Variants in MFRP observed in about 807,000 individuals in gnomAD.
MFRP encodes membrane frizzled-related protein, also known as C1q and TNF related 5.
In MFRP, 74 loss-of-function variants were observed where a neutral mutation model predicts 65.8. That is an observed-to-expected ratio of 1.12 (90% CI 0.93 to 1.36). The LOEUF is 1.36. MFRP is among the 40% of genes most tolerant of loss of function. MFRP has a pLI of 0.00. For missense variants in MFRP, 838 were observed against 736.0 expected (o/e 1.14, Z -1.60); for synonymous variants, 336 against 288.3 (o/e 1.17, Z -1.68).
In MFRP at chr11:119,344,206, C is replaced by T. The variant is rs1176348216; in HGVS notation, c.975+109G>A. 4.3e-6 allele frequency: 5 copies of T among 1,152,880 alleles called. No homozygotes were observed. The Admixed American group carries it at 6.9e-5, about 16-fold the overall frequency. 71.4% of individuals were successfully genotyped at this position (1,152,880 alleles called of 1,614,324 possible). On this transcript the variant is annotated intron_variant, in intron 8 of 14. Coordinates refer to ENST00000619721, the MANE Select transcript of MFRP (RefSeq NM_031433.4). ...CATCCCCCGTCTGCTTGATCTCTGACCTTCCCAAGTAGAAGGTAGTGTCTA... is the reference window on the plus strand; with the variant it reads ...CATCCCCCGTCTGCTTGATCTCTGATCTTCCCAAGTAGAAGGTAGTGTCTA...
At position 119,344,954 on chromosome 11, in the gene MFRP, A is replaced by G; in HGVS notation, c.692T>C (p.Leu231Pro). 2 of 1,610,018 alleles carry G rather than the reference A, an allele frequency of 1.2e-6. No homozygotes were observed. The highest frequency in any genetic ancestry group is 1.7e-6 in the Non-Finnish European group (2 of 1,178,700). Residue 231 changes from leucine to proline, a missense_variant, in exon 6 of 15, where the codon CTC becomes CCC. Coordinates refer to ENST00000619721, the MANE Select transcript of MFRP (RefSeq NM_031433.4). Reference protein sequence around the residue: ...PPTLNTNASHLLVVFVSDSSV... With the variant: ...PPTLNTNASHPLVVFVSDSSV... ...GCTGTCAGAGACGAAGACCACCAGG[A>G]GGTGGCTGGCATTGGTGTTGAGCGT...
At chr11:119,341,824 C>T (rs1270196905) in intron 12 of MFRP, 33 bp downstream of exon 12, 4 of 1,611,468 alleles carry the variant, frequency 2.5e-6, no homozygotes, top group Non-Finnish European at 3.4e-6. Context: ...CCTCCCCTCC[C>T]AGGCCCGCCC....
Position 119,344,370 on chromosome 11 carries a change from C to T in MFRP, c.920G>A (p.Gly307Asp). Reference protein sequence around the residue: ...KFSGCGGNLTGLQGTFSTPSY... With the variant: ...KFSGCGGNLTDLQGTFSTPSY... The stretch of plus-strand genomic sequence containing the variant: ...GGGAGTAGAGAAAGTGCCCTGGAGG[C>T]CAGTCAGATTCCCCCCACACCCTGT... Residue 307 changes from glycine to aspartate, a missense_variant, in exon 8 of 15, where the codon GGC (glycine) becomes GAC (aspartate). Gly to Asp is a moderately conservative substitution (Grantham distance 94, BLOSUM62 -1). Coordinates refer to ENST00000619721, the MANE Select transcript of MFRP (RefSeq NM_031433.4). 6.2e-7 allele frequency: 1 copy of T among 1,613,860 alleles called. No homozygotes were observed. The highest frequency in any genetic ancestry group is 1.7e-5 in the Admixed American group (1 of 59,996).
At chr11:119,342,798 C>T (rs891121482) in intron 10 of MFRP, 71 bp from the exon 11 acceptor site, 1 of 1,613,140 alleles carries the variant, frequency 6.2e-7, no homozygotes. Context: ...AGTGTCCTGA[C>T]CAGGGTCCAG....
At position 119,345,419 on chromosome 11, in the gene MFRP, C is replaced by T. The variant is rs1226217440; in HGVS notation, c.641+1G>A. The T allele has an allele frequency of 1.9e-6, 3 of 1,613,720 alleles. No homozygotes were observed. Among genetic ancestry groups the T allele is most frequent in the Non-Finnish European group, 2.5e-6 (3 of 1,179,968 alleles). On this transcript the variant is annotated splice_donor_variant, in intron 5 of 14. Coordinates refer to ENST00000619721, the MANE Select transcript of MFRP (RefSeq NM_031433.4). LOFTEE classifies it high-confidence loss of function. The stretch of plus-strand genomic sequence containing the variant: ...GATGTCCTGGGGACAGAGGGACCTA[C>T]CTGAGGAGGGGGCCTTCAGGCTCAG...
In MFRP at chr11:119,339,310, G is replaced by A; in HGVS notation, c.*1649C>T. On this transcript the variant is annotated 3_prime_UTR_variant, in exon 15 of 15. Transcript: ENST00000619721. The surrounding 1 kb of genome is among the most constrained non-coding windows in gnomAD (Gnocchi z 5.4). ...ACCCTCCTTCTAGGAGTGAGAGCATGAGCTCACTTTGCAGTGGGCACTAAG... is the reference window on the plus strand; with the variant it reads ...ACCCTCCTTCTAGGAGTGAGAGCATAAGCTCACTTTGCAGTGGGCACTAAG... The A allele has an allele frequency of 1.2e-6, 2 of 1,609,318 alleles. No individual in the cohort carries two copies. Among genetic ancestry groups the A allele is most frequent in the South Asian group, 1.1e-5 (1 of 90,508 alleles).
chr11:119,345,105 C>A, intron 5 of MFRP, 101 bp from the exon 6 acceptor site: 1 of 1,473,532 alleles, frequency 6.8e-7, no homozygotes, highest in Non-Finnish European at 9.2e-7. Context: ...AACCCCCAAA[C>A]TGGTGACCAT....
Position 119,340,254 on chromosome 11 carries a change from G to T in MFRP, c.*1040C>A. On this transcript the variant is annotated 3_prime_UTR_variant, in exon 14 of 15. Coordinates refer to ENST00000619721, the MANE Select transcript of MFRP (RefSeq NM_031433.4). ...CGTCGCGGCCGTCGCGGCCATCGCGGCCCGGCAAGCCCTGGCTGCCATGGT... is the reference window on the plus strand; with the variant it reads ...CGTCGCGGCCGTCGCGGCCATCGCGTCCCGGCAAGCCCTGGCTGCCATGGT... 1 of 1,515,792 alleles carries T rather than the reference G, an allele frequency of 6.6e-7. No individual in the cohort carries two copies. 93.9% of individuals were successfully genotyped at this position (1,515,792 alleles called of 1,614,324 possible).
At position 119,341,211 on chromosome 11, in the gene MFRP, T is replaced by G; in HGVS notation, c.*337A>C. On this transcript the variant is annotated 3_prime_UTR_variant, in exon 13 of 15. Coordinates refer to ENST00000619721, the MANE Select transcript of MFRP (RefSeq NM_031433.4). The stretch of plus-strand genomic sequence containing the variant: ...GCCACATGAATAGATGCTCAGTACA[T>G]TTTTGTTGAATCAAGGAAAAGGTCA... 2.7e-6 allele frequency: 1 copy of G among 369,378 alleles called. No individual in the cohort carries two copies. The highest frequency in any genetic ancestry group is 2.0e-5 in the African/African-American group (1 of 48,818). The allele number at this position is 369,378 out of a possible 1,614,324, so 22.9% of individuals were successfully genotyped here.
chr11:119,342,420 C>T (rs550668670), intron 11 of MFRP, among the ~76,000 whole-genome samples, 176 bp downstream of exon 11: 4 of 152,298 alleles, frequency 2.6e-5, no homozygotes. Context: ...GTACTATTGC[C>T]ACCACCAGCC....
chr11:119,341,996 G>T lies in MFRP; in HGVS notation c.1388-12C>A, dbSNP rs1161483928. On this transcript the variant is annotated splice_polypyrimidine_tract_variant and intron_variant, in intron 11 of 14. Coordinates refer to ENST00000619721, the MANE Select transcript of MFRP (RefSeq NM_031433.4). Reference sequence around the variant, plus strand: ...CTCACAGGCCAGCTCTGCAGGGGTGGAGGGGAGGGCCACTGTGGGGACTGC... The same window carrying T: ...CTCACAGGCCAGCTCTGCAGGGGTGTAGGGGAGGGCCACTGTGGGGACTGC... 6.2e-7 allele frequency: 1 copy of T among 1,613,192 alleles called. No individual in the cohort carries two copies. Among genetic ancestry groups the T allele is most frequent in the Non-Finnish European group, 8.5e-7 (1 of 1,180,012 alleles).
In MFRP at chr11:119,340,715, T is replaced by G; in HGVS notation, c.*833A>C. 5.2e-6 allele frequency: 2 copies of G among 387,672 alleles called. No homozygotes were observed. The highest frequency in any genetic ancestry group is 4.7e-6 in the Non-Finnish European group (1 of 213,594). The allele number at this position is 387,672 out of a possible 1,614,324, so 24.0% of individuals were successfully genotyped here. On this transcript the variant is annotated 3_prime_UTR_variant, in exon 13 of 15. Transcript: ENST00000619721. ...CTCACCCCCCCTCCCGGCTCCCCGA[T>G]GGCCTCCTTCGGGGCGCTCGCTACT...
rs1200861048 is a variant in MFRP, at chr11:119,345,894, A to C, written c.306T>G (p.His102Gln). 6.2e-7 allele frequency: 1 copy of C among 1,613,486 alleles called. No homozygotes were observed. The highest frequency in any genetic ancestry group is 8.5e-7 in the Non-Finnish European group (1 of 1,179,794). The change falls in exon 4 of 15, where the codon CAT (histidine) becomes CAG (glutamine). Residue 102 changes from histidine (H) to glutamine (Q), a missense_variant. Coordinates refer to ENST00000619721, the MANE Select transcript of MFRP (RefSeq NM_031433.4). ...LQAAPPSGASHSPLPAGGLTT... is the reference protein window; with the variant it reads ...LQAAPPSGASQSPLPAGGLTT... The stretch of plus-strand genomic sequence containing the variant: ...TAAGGCCTCCGGCAGGCAGTGGGCT[A>C]TGGGACGCCCCAGATGGGGGTGCAG...
At position 119,341,946 on chromosome 11, in the gene MFRP, C is replaced by T. The variant is rs942252372; in HGVS notation, c.1426G>A (p.Gly476Ser). 2.5e-6 allele frequency: 4 copies of T among 1,613,796 alleles called. No homozygotes were observed. The highest frequency in any genetic ancestry group is 2.2e-5 in the East Asian group (1 of 44,900). Reference sequence around the variant, plus strand: ...AAGGCTGTGGTGTTGTAGCTCAGACCGAGGCACATCTCCACCTGGACAGGC... The same window carrying T: ...AAGGCTGTGGTGTTGTAGCTCAGACTGAGGCACATCTCCACCTGGACAGGC... ...CEPVQVEMCLGLSYNTTAFPN... is the reference protein window; with the variant it reads ...CEPVQVEMCLSLSYNTTAFPN... The change falls in exon 12 of 15, where the codon GGT (glycine) becomes AGT (serine). Residue 476 changes from glycine to serine, a missense_variant. Gly to Ser is a moderately conservative substitution (Grantham distance 56). Coordinates refer to ENST00000619721, the MANE Select transcript of MFRP (RefSeq NM_031433.4).
Position 119,344,338 on chromosome 11 carries a change from G to T in MFRP, c.952C>A (p.Leu318Met), listed in dbSNP as rs1318966814. 1.2e-6 allele frequency: 2 copies of T among 1,614,054 alleles called. No homozygotes were observed. Among genetic ancestry groups the T allele is most frequent in the Admixed American group, 1.7e-5 (1 of 60,012 alleles). ...ACCAGTTGGTGAGGGTACTGCTGCA[G>T]GTAGCTGGGAGTAGAGAAAGTGCCC... The part of the protein sequence containing the change: ...LQGTFSTPSY[L>M]QQYPHQLLCT... The change falls in exon 8 of 15, where the codon CTG (leucine) becomes ATG (methionine). Residue 318 changes from leucine to methionine, a missense_variant. Transcript: ENST00000619721.
chr11:119,339,410 T>A lies in MFRP; in HGVS notation c.*1549A>T, dbSNP rs758015507. On this transcript the variant is annotated 3_prime_UTR_variant, in exon 15 of 15. Transcript: ENST00000619721. The surrounding 1 kb of genome is among the most constrained non-coding windows in gnomAD (Gnocchi z 5.4). ...GGTGCTGTCTGTCTTGATGCTGGCA[T>A]AGATGCCAATGTAGTCACCCACACC... 7.4e-6 allele frequency: 12 copies of A among 1,613,236 alleles called. No individual in the cohort carries two copies. In the South Asian group the frequency reaches 1.3e-4, roughly 18 times the overall value.
rs755623213 is a variant in MFRP at position 119,342,699 on chromosome 11, G to T, written c.1284C>A (p.Cys428Ter). 6.2e-7 allele frequency: 1 copy of T among 1,613,670 alleles called. No homozygotes were observed. The highest frequency in any genetic ancestry group is 1.7e-5 in the Admixed American group (1 of 60,012). The change falls in exon 11 of 15, where the codon TGC becomes TGA. Residue 428 changes from cysteine to a stop codon, truncating the protein, a stop_gained. Coordinates refer to ENST00000619721, the MANE Select transcript of MFRP (RefSeq NM_031433.4). LOFTEE classifies it high-confidence loss of function. The stretch of plus-strand genomic sequence containing the variant: ...GCACACCCTTACACCCTCCTGCCTG[G>T]CAGGAGAGCTCACTGGGCCCACAGG... ...ENPCGPSELSCQAGGCKGVQW... is the reference protein window; with the variant it reads ...ENPCGPSELS
At chr11:119,343,322 G>A (rs546181930) in intron 9 of MFRP, among the ~76,000 whole-genome samples, 1 of 152,302 alleles carries the variant, frequency 6.6e-6, no homozygotes, top group South Asian at 2.1e-4. Flanking sequence ...ACCAGCCTGG[G>A]CGATATAGTG....
chr11:119,345,721 C>T (rs1950557624), intron 4 of MFRP, 52 bp downstream of exon 4: 1 of 1,613,022 alleles, frequency 6.2e-7, no homozygotes, highest in Non-Finnish European at 8.5e-7. Context: ...CCCCTCAACC[C>T]CACCCCGTCA....
Sources: gnomAD v4.1 joint callset for allele counts (sites outside exome capture counted in the v4.1 genomes callset) on GRCh38, gnomAD v4.1.1 for gene constraint, Gnocchi (gnomAD v3.1) non-coding constraint, MANE v1.5 for transcripts, NCBI Gene and HGNC (gene_info 2026-07-23, HGNC 2026-07-21) for gene names.